CD302: variants seen among roughly 807,000 people sequenced by gnomAD.
CD302 encodes CD302 antigen.
CD302 carries 23 observed loss-of-function variants against 26.5 expected under a neutral mutation model. The ratio of observed to expected loss-of-function variants is 0.87; its 90% CI spans 0.62 to 1.23. CD302 has a LOEUF of 1.23. Ranked by LOEUF, CD302 falls within the 50% of genes most tolerant of loss-of-function variation. CD302 has a pLI of 0.00. For synonymous variants in CD302, 90 were observed against 99.4 expected (o/e 0.91, Z 0.56); for missense variants, 290 against 275.5 (o/e 1.05, Z -0.37).
At chr2:159,790,612 T>G (rs1209181450) in intron 1 of CD302, among the ~76,000 whole-genome samples, 4 of 152,198 alleles carry the variant, frequency 2.6e-5, no homozygotes, top group Admixed American at 2.0e-4. Context: ...TGATTATTCT[T>G]TCTCTTCTTT....
At chr2:159,773,771 A>G (rs1708226787) in intron 5 of CD302, among the ~76,000 whole-genome samples, 1 of 152,256 alleles carries the variant, frequency 6.6e-6, no homozygotes, top group Non-Finnish European at 1.5e-5. Context: ...GTTTTACATT[A>G]GGAAATGTAT....
intron 1 of CD302, among the ~76,000 whole-genome samples, chr2:159,792,950 T>C (rs557332404): frequency 1.6e-4 from 24 of 152,182 alleles, no homozygotes; most frequent in Non-Finnish European, 2.5e-4. Flanking sequence ...TCAAAAGATA[T>C]ATTTTTACTT....
intron 1 of CD302, among the ~76,000 whole-genome samples, chr2:159,790,157 T>A (rs1342256528): frequency 6.6e-6 from 1 of 152,082 alleles, no homozygotes; most frequent in Non-Finnish European, 1.5e-5. Context: ...TAAGGGGTGA[T>A]GAGAAAAAGA....
intron 2 of CD302, among the ~76,000 whole-genome samples, chr2:159,782,316 G>A (rs1055711873): frequency 6.7e-6 from 1 of 149,900 alleles, no homozygotes; most frequent in Non-Finnish European, 1.5e-5. Flanking sequence ...GGGAGGCTGA[G>A]GCAGGAGAAT....
chr2:159,783,541 A>G (rs1574495309), intron 1 of CD302, 72 bp from the exon 2 acceptor site: 1 of 1,175,730 alleles, frequency 8.5e-7, no homozygotes, highest in Non-Finnish European at 1.2e-6. Flanking sequence ...AAAGATAAGG[A>G]TATTAGATAC....
rs1708056762 is a variant in CD302, at chr2:159,769,309, G to A, written c.*2542C>T. The A allele has an allele frequency of 6.6e-6, 1 of 152,164 alleles. No homozygotes were observed. Among genetic ancestry groups the A allele is most frequent in the South Asian group, 2.1e-4 (1 of 4,832 alleles). 9.4% of individuals were successfully genotyped at this position (152,164 alleles called of 1,614,324 possible). ...GTAATCCAATTATCTCTTCACTAAT[G>A]AGTAGATAAGGTGCCTGTTATAGAT... On this transcript the variant is annotated 3_prime_UTR_variant, in exon 6 of 6. Transcript: ENST00000259053.
rs535480345 is a variant in CD302, at chr2:159,777,751, C to T, written c.496+187G>A. On this transcript the variant is annotated intron_variant, in intron 5 of 5. Transcript: ENST00000259053. Reference sequence around the variant, plus strand: ...CCCGAGTAAAAGAAGCCAGACAAAACTACATATTGTAGAATATATTTAAAA... The same window carrying T: ...CCCGAGTAAAAGAAGCCAGACAAAATTACATATTGTAGAATATATTTAAAA... Among the ~76,000 whole-genome samples the T allele has an allele frequency of 4.0e-4, 61 of 152,226 alleles. No individual in the cohort carries two copies. The South Asian group carries it at 0.011, about 28-fold the overall frequency.
chr2:159,771,911 A>G lies in CD302; in HGVS notation c.639T>C (p.Tyr213=), dbSNP rs1369956153. ...TVFSTAPQSP[Y]NEDCVLVVGE... ...CAACTACCAAAACACAGTCTTCATT[A>G]TAAGGTGATTGGGGTGCGGTTGAAA... The change falls in exon 6 of 6, where the codon TAT becomes TAC. Residue 213 remains tyrosine, a synonymous_variant. Coordinates refer to ENST00000259053, the MANE Select transcript of CD302 (RefSeq NM_014880.5). 1.2e-6 allele frequency: 2 copies of G among 1,614,070 alleles called. No homozygotes were observed. Among genetic ancestry groups the G allele is most frequent in the Admixed American group, 1.7e-5 (1 of 60,024 alleles).
intron 5 of CD302, among the ~76,000 whole-genome samples, chr2:159,776,465 G>A (rs1708328638): frequency 6.6e-6 from 1 of 151,838 alleles, no homozygotes; most frequent in South Asian, 2.1e-4. Context: ...AATTTTTTTT[G>A]AAGAACCACC....
Position 159,771,698 on chromosome 2 carries a change from C to T in CD302, c.*153G>A, listed in dbSNP as rs1708150224. 2 of 886,068 alleles carry T rather than the reference C, an allele frequency of 2.3e-6. No individual in the cohort carries two copies. The allele number at this position is 886,068 out of a possible 1,614,324, so 54.9% of individuals were successfully genotyped here. A position where few individuals can be genotyped will look rare whatever the true frequency, so the allele number is the denominator to read the frequency against. ...CCTGTTTTTTTAATGAACCTAAAGA[C>T]TTTTCACAGCAGATGAGTACATAAA... On this transcript the variant is annotated 3_prime_UTR_variant, in exon 6 of 6. Transcript: ENST00000259053.
chr2:159,770,570 G>A lies in CD302; in HGVS notation c.*1281C>T, dbSNP rs1708110748. ...TGATGGGGTGTGGATTCAGAAGAGG[G>A]ATTACTTTTCTTTGAGCCTCAGACT... On this transcript the variant is annotated 3_prime_UTR_variant, in exon 6 of 6. Coordinates refer to ENST00000259053, the MANE Select transcript of CD302 (RefSeq NM_014880.5). The A allele has an allele frequency of 6.6e-6, 1 of 152,104 alleles. No individual in the cohort carries two copies. Among genetic ancestry groups the A allele is most frequent in the Non-Finnish European group, 1.5e-5 (1 of 68,008 alleles). The allele number at this position is 152,104 out of a possible 1,614,324, so 9.4% of individuals were successfully genotyped here.
rs1708146772 is a variant in CD302, at chr2:159,771,541, C to T, written c.*310G>A. 4.2e-6 allele frequency: 1 copy of T among 237,926 alleles called. No individual in the cohort carries two copies. Among genetic ancestry groups the T allele is most frequent in the African/African-American group, 2.3e-5 (1 of 43,532 alleles). The allele number at this position is 237,926 out of a possible 1,614,324, so 14.7% of individuals were successfully genotyped here. A position where few individuals can be genotyped will look rare whatever the true frequency, so the allele number is the denominator to read the frequency against. On this transcript the variant is annotated 3_prime_UTR_variant, in exon 6 of 6. Coordinates refer to ENST00000259053, the MANE Select transcript of CD302 (RefSeq NM_014880.5). ...GGTCAACTAAATAGGGAAGATACAGCAGGCAAGACAAATAGGCTGGGCTTT... is the reference window on the plus strand; with the variant it reads ...GGTCAACTAAATAGGGAAGATACAGTAGGCAAGACAAATAGGCTGGGCTTT...
At position 159,768,900 on chromosome 2, in the gene CD302, A is replaced by T. The variant is rs1708039174; in HGVS notation, c.*2951T>A. The T allele has an allele frequency of 6.6e-6, 1 of 152,212 alleles. No individual in the cohort carries two copies. The highest frequency in any genetic ancestry group is 2.4e-5 in the African/African-American group (1 of 41,470). 9.4% of individuals were successfully genotyped at this position (152,212 alleles called of 1,614,324 possible). On this transcript the variant is annotated 3_prime_UTR_variant, in exon 6 of 6. Coordinates refer to ENST00000259053, the MANE Select transcript of CD302 (RefSeq NM_014880.5). ...TTTAAAAAATTTAACTAGATGGTAC[A>T]AAACATTCATTGGTATGCACATAAT...
intron 1 of CD302, 104 bp downstream of exon 1, chr2:159,798,028 C>T (rs1225384101): frequency 4.5e-6 from 5 of 1,120,392 alleles, no homozygotes; most frequent in East Asian, 3.2e-5. Flanking sequence ...CCGGGTGTTG[C>T]GTCTGCGGGC....
At position 159,771,624 on chromosome 2, in the gene CD302, T is replaced by TG; in HGVS notation, c.*226dup. On this transcript the variant is annotated 3_prime_UTR_variant, in exon 6 of 6. Transcript: ENST00000259053. Reference sequence around the variant, plus strand: ...TCATTCAAGTGACAGATTCTGCCTTTGACGGGATGCTTAAAATCACTATAT... The same window carrying TG: ...TCATTCAAGTGACAGATTCTGCCTTTGGACGGGATGCTTAAAATCACTATAT... 2.2e-6 allele frequency: 1 copy of TG among 446,088 alleles called. No individual in the cohort carries two copies. The highest frequency in any genetic ancestry group is 4.2e-5 in the East Asian group (1 of 23,852). The allele number at this position is 446,088 out of a possible 1,614,324, so 27.6% of individuals were successfully genotyped here. A position where few individuals can be genotyped will look rare whatever the true frequency, so the allele number is the denominator to read the frequency against.
intron 1 of CD302, among the ~76,000 whole-genome samples, chr2:159,791,517 A>G (rs1401159819): frequency 1.3e-5 from 2 of 152,246 alleles, no homozygotes; most frequent in Non-Finnish European, 2.9e-5. Context: ...ATCCTTCTTT[A>G]TATAGCGGCT....
chr2:159,789,159 TA>T (rs1442920989), intron 1 of CD302, among the ~76,000 whole-genome samples: 32 of 56,110 alleles, frequency 5.7e-4, no homozygotes, highest in Admixed American at 2.4e-4. Flanking sequence ...ACAGGATGGC[TA>T]ATTTGTTTGA....
chr2:159,774,987 C>T (rs535017606), intron 5 of CD302, among the ~76,000 whole-genome samples: 1 of 152,284 alleles, frequency 6.6e-6, no homozygotes, highest in East Asian at 1.9e-4. Flanking sequence ...GACTTTAGGT[C>T]TTCATTATGC....
At chr2:159,784,236 A>T (rs1267114935) in intron 1 of CD302, among the ~76,000 whole-genome samples, 1 of 152,174 alleles carries the variant, frequency 6.6e-6, no homozygotes, top group African/African-American at 2.4e-5. Flanking sequence ...TCCAGTGAAT[A>T]AAGAAGTACA....
Sources: gnomAD v4.1 joint callset for allele counts (sites outside exome capture counted in the v4.1 genomes callset) on GRCh38, gnomAD v4.1.1 for gene constraint, MANE v1.5 for transcripts, NCBI Gene and HGNC (gene_info 2026-07-23, HGNC 2026-07-21) for gene names.